ADARB2: variants seen among roughly 807,000 people sequenced by gnomAD.
ADARB2 encodes inactive double-stranded RNA-specific editase B2.
ADARB2 carries 25 observed loss-of-function variants against 62.2 expected under a neutral mutation model. The ratio of observed to expected loss-of-function variants is 0.40; its 90% CI spans 0.29 to 0.56. The LOEUF is 0.56. ADARB2 is among the 20% of genes least tolerant of loss of function. The probability of loss-of-function intolerance (pLI) is 0.43; values close to 1 mark genes in which losing one functional copy is unlikely to be tolerated. For synonymous variants in ADARB2, 572 were observed against 500.8 expected, an observed-to-expected ratio of 1.14 and a Z score of -1.90; for missense variants, 1,071 against 1,077.4, an observed-to-expected ratio of 0.99 and a Z score of 0.08.
At chr10:1,636,807 AT>A (rs1441799023) in intron 1 of ADARB2, among the ~76,000 whole-genome samples, 1 of 148,442 alleles carries the variant, frequency 6.7e-6, no homozygotes, top group African/African-American at 2.4e-5. Flanking sequence ...CATATATAAT[AT>A]TGTTATATAT....
At chr10:1,322,135 T>C (rs1259442564) in intron 3 of ADARB2, among the ~76,000 whole-genome samples, 1 of 152,146 alleles carries the variant, frequency 6.6e-6, no homozygotes, top group Non-Finnish European at 1.5e-5. Context: ...TCAACATTCC[T>C]GGCTGTGTTT....
chr10:1,712,905 G>A lies in ADARB2; in HGVS notation c.100+24146C>T, dbSNP rs567185215. Among the ~76,000 whole-genome samples the A allele has an allele frequency of 7.8e-4, 119 of 152,050 alleles. 1 individual carries two copies. Among genetic ancestry groups the A allele is most frequent in the Non-Finnish European group, 1.5e-3 (100 of 67,998 alleles). On this transcript the variant is annotated intron_variant, in intron 1 of 9. Transcript: ENST00000381312. ...ATTACAGGCGTGAGCCACAGCACCC[G>A]GCCACCACCATTACTTTCACTGCAT... is the stretch of plus-strand genomic sequence containing the variant.
At chr10:1,320,300 C>T (rs757151095) in intron 3 of ADARB2, among the ~76,000 whole-genome samples, 1 of 152,134 alleles carries the variant, frequency 6.6e-6, no homozygotes, top group Non-Finnish European at 1.5e-5. Context: ...AGTAGGGCTC[C>T]CCAAAAGTAT....
rs534918219 is a variant in ADARB2, at chr10:1,334,109, G to T, written c.1077+28919C>A. Among the ~76,000 whole-genome samples, 4 of 152,304 alleles carry T rather than the reference G, an allele frequency of 2.6e-5. No homozygotes were observed. The East Asian group carries it at 7.7e-4, about 29-fold the overall frequency. ...CAGTAGGCAGGGGCCATGGCAAGAC[G>T]CAGACTCATGGGCAGAGGCCGGAGG... On this transcript the variant is annotated intron_variant, in intron 3 of 9. Transcript: ENST00000381312.
intron 1 of ADARB2, among the ~76,000 whole-genome samples, chr10:1,557,769 G>T (rs1427286868): frequency 6.6e-6 from 1 of 151,556 alleles, no homozygotes; most frequent in East Asian, 1.9e-4. Flanking sequence ...AAAATTAGCT[G>T]GGGGTAGTGG....
At chr10:1,583,449 G>A (rs1833133372) in intron 1 of ADARB2, among the ~76,000 whole-genome samples, 2 of 152,162 alleles carry the variant, frequency 1.3e-5, no homozygotes, top group Non-Finnish European at 2.9e-5. Flanking sequence ...CAGGCCTAAA[G>A]GAGATGAATG....
intron 1 of ADARB2, among the ~76,000 whole-genome samples, chr10:1,666,389 C>T (rs910051380): frequency 6.6e-6 from 1 of 152,246 alleles, no homozygotes; most frequent in African/African-American, 2.4e-5. Context: ...GCCAGTAGCA[C>T]ATGTCCCAGC....
In ADARB2 at chr10:1,549,130, G is replaced by A. The variant is rs544390677; in HGVS notation, c.101-169970C>T. Among the ~76,000 whole-genome samples, 18 of 136,130 alleles carry A rather than the reference G, an allele frequency of 1.3e-4. No individual in the cohort carries two copies. In the South Asian group the frequency reaches 4.0e-3, roughly 30 times the overall value. The allele number at this position is 136,130 out of a possible 152,430, so 89.3% of individuals were successfully genotyped here. The stretch of plus-strand genomic sequence containing the variant: ...GGCTGGCGTCCGGTACACGGAGTTC[G>A]AAACACTAGGGGGGAATCACTTTAG... On this transcript the variant is annotated intron_variant, in intron 1 of 9. Coordinates refer to ENST00000381312, the MANE Select transcript of ADARB2 (RefSeq NM_018702.4).
intron 1 of ADARB2, among the ~76,000 whole-genome samples, chr10:1,504,023 G>A (rs1300822721): frequency 6.6e-6 from 1 of 152,208 alleles, no homozygotes; most frequent in Non-Finnish European, 1.5e-5. Context: ...ATACAGGCCA[G>A]AGAGTAGGAG....
intron 1 of ADARB2, among the ~76,000 whole-genome samples, chr10:1,686,351 A>G (rs1036518175): frequency 1.3e-5 from 2 of 152,264 alleles, no homozygotes; most frequent in African/African-American, 2.4e-5. Flanking sequence ...GAACAAGGAC[A>G]GGATCATGTG....
chr10:1,480,637 G>C (rs1182240327), intron 1 of ADARB2, among the ~76,000 whole-genome samples: 1 of 145,666 alleles, frequency 6.9e-6, no homozygotes, highest in Non-Finnish European at 1.5e-5. Flanking sequence ...GGCGGAGCTT[G>C]CAGTGAGCTG....
At chr10:1,648,727 C>G (rs146694495) in intron 1 of ADARB2, among the ~76,000 whole-genome samples, 12 of 152,304 alleles carry the variant, frequency 7.9e-5, no homozygotes, top group African/African-American at 2.2e-4. Flanking sequence ...CTAACGAAGT[C>G]TAGTCATAGC....
chr10:1,578,676 C>CAG (rs67507846), intron 1 of ADARB2, among the ~76,000 whole-genome samples: 30,782 of 151,818 alleles, frequency 0.2, 3,580 homozygotes, highest in East Asian at 0.38. Context: ...CACACACACA[C>CAG]AGAGAGAAGT....
rs1279104004 is a variant in ADARB2 at position 1,209,147 on chromosome 10, G to A, written c.1682+7804C>T. On this transcript the variant is annotated intron_variant, in intron 7 of 9. Transcript: ENST00000381312. ...CACACAGGATGGAGACAAACGACTCGTTCAGTGATCCCCAGAGCAACGCTG... is the reference window on the plus strand; with the variant it reads ...CACACAGGATGGAGACAAACGACTCATTCAGTGATCCCCAGAGCAACGCTG... Among the ~76,000 whole-genome samples, 4 of 152,124 alleles carry A rather than the reference G, an allele frequency of 2.6e-5. No homozygotes were observed. In the East Asian group the frequency reaches 7.7e-4, roughly 29 times the overall value.
intron 8 of ADARB2, among the ~76,000 whole-genome samples, chr10:1,198,852 G>A (rs1450972432): frequency 2.6e-5 from 4 of 152,256 alleles, no homozygotes; most frequent in South Asian, 2.1e-4. Flanking sequence ...AGGGTGACAT[G>A]CCAGTGCCCA....
intron 3 of ADARB2, among the ~76,000 whole-genome samples, chr10:1,349,712 A>T (rs1002843931): frequency 3.9e-5 from 6 of 152,180 alleles, no homozygotes; most frequent in African/African-American, 1.2e-4. Context: ...CAAAGGAGAC[A>T]CATTTTATCC....
intron 1 of ADARB2, among the ~76,000 whole-genome samples, chr10:1,726,449 G>A (rs1340580981): frequency 2.6e-5 from 4 of 152,008 alleles, no homozygotes; most frequent in African/African-American, 9.7e-5. Flanking sequence ...TTCCCTATCC[G>A]ATATCCACAG....
At chr10:1,285,324 A>G (rs541791132) in intron 3 of ADARB2, among the ~76,000 whole-genome samples, 1 of 147,892 alleles carries the variant, frequency 6.8e-6, no homozygotes, top group East Asian at 2.1e-4. Flanking sequence ...CTTACAAAGC[A>G]GCTCGGCTTC....
intron 1 of ADARB2, among the ~76,000 whole-genome samples, chr10:1,691,221 T>C (rs1588354031): frequency 6.6e-6 from 1 of 152,260 alleles, no homozygotes; most frequent in Non-Finnish European, 1.5e-5. Context: ...GGGATGATCC[T>C]GTGAGGACAC....
Sources: gnomAD v4.1 joint callset for allele counts (sites outside exome capture counted in the v4.1 genomes callset) on GRCh38, gnomAD v4.1.1 for gene constraint, MANE v1.5 for transcripts, NCBI Gene and HGNC (gene_info 2026-07-23, HGNC 2026-07-21) for gene names.